Variants in STK36 observed in about 807,000 individuals in gnomAD.
STK36 encodes the protein serine/threonine kinase 36.
Under a neutral mutation model 142.2 loss-of-function variants are expected in STK36, and 116 were observed. That is an observed-to-expected ratio of 0.82 (90% CI 0.70 to 0.95). The LOEUF (loss-of-function observed/expected upper bound fraction) is 0.95, where lower values mean the gene tolerates loss of function less well. Among genes scored for constraint, STK36 ranks in the 40% least tolerant of loss-of-function variants. The pLI, the probability that STK36 is intolerant of heterozygous loss-of-function variation, is 0.00. For synonymous variants in STK36, 619 were observed against 641.7 expected, an observed-to-expected ratio of 0.96 and a Z score of 0.53; for missense variants, 1,422 against 1,617.2, an observed-to-expected ratio of 0.88 and a Z score of 2.07.
At position 218,673,017 on chromosome 2, in the gene STK36, G is replaced by A. The variant is rs2106340632; in HGVS notation, c.84+104G>A. ...TATTTATACCAGTTTGTATTCCTAA[G>A]GTACTGACTCCCTCATACTTCTTAT... On this transcript the variant is annotated intron_variant, in intron 2 of 26. Coordinates refer to ENST00000295709, the MANE Select transcript of STK36 (RefSeq NM_015690.5). 3 of 1,036,108 alleles carry A rather than the reference G, an allele frequency of 2.9e-6. No individual in the cohort carries two copies. In the East Asian group the frequency reaches 7.3e-5, roughly 25 times the overall value. 64.2% of individuals were successfully genotyped at this position (1,036,108 alleles called of 1,614,324 possible).
At chr2:218,697,365 G>A (rs1345216333) in intron 23 of STK36, 98 bp from the exon 24 acceptor site, 1 of 1,537,050 alleles carries the variant, frequency 6.5e-7, no homozygotes, top group Non-Finnish European at 8.8e-7. Context: ...CTAAGATGGG[G>A]AAGGGACTGA....
At chr2:218,700,404 T>G (rs1941400094) in intron 26 of STK36, among the ~76,000 whole-genome samples, 1 of 151,724 alleles carries the variant, frequency 6.6e-6, no homozygotes. Flanking sequence ...ATTTATTTAT[T>G]TACTTATTTA....
At position 218,701,997 on chromosome 2, in the gene STK36, CCAT is replaced by C; in HGVS notation, c.3937_3939del (p.His1313del). 1 of 1,613,930 alleles carries C rather than the reference CCAT, an allele frequency of 6.2e-7. No homozygotes were observed. On this transcript the variant is annotated inframe_deletion, in exon 27 of 27. Coordinates refer to ENST00000295709, the MANE Select transcript of STK36 (RefSeq NM_015690.5). ...AACTCATTCACCTCCTGAGGCCAGC[CCAT>C]AGCATGTGATTCCAGATTCCTGCGG...
At chr2:218,680,384 A>G (rs982534840) in intron 9 of STK36, among the ~76,000 whole-genome samples, 1 of 152,258 alleles carries the variant, frequency 6.6e-6, no homozygotes, top group African/African-American at 2.4e-5. Context: ...ACTGCAAAGT[A>G]GAATAAGCTC....
At chr2:218,692,071 G>A (rs954280472) in intron 14 of STK36, 72 bp from the exon 15 acceptor site, 1 of 1,543,582 alleles carries the variant, frequency 6.5e-7, no homozygotes, top group African/African-American at 1.4e-5. Flanking sequence ...AGATCCTCAG[G>A]GTTTTCTTGT....
intron 10 of STK36, among the ~76,000 whole-genome samples, chr2:218,682,229 TA>T (rs1310315016): frequency 6.6e-6 from 1 of 152,174 alleles, no homozygotes; most frequent in African/African-American, 2.4e-5. Context: ...ACCCAGCCTA[TA>T]ACAACACTTT....
intron 6 of STK36, among the ~76,000 whole-genome samples, chr2:218,677,992 C>T (rs1257825191): frequency 5.3e-5 from 8 of 152,172 alleles, no homozygotes; most frequent in East Asian, 1.9e-4. Flanking sequence ...GGGGTTTCAC[C>T]GTGTTAGCCA....
rs1370314111 is a variant in STK36, at chr2:218,676,272, C to T, written c.678C>T (p.Cys226=). ...GCTGGCCCTCAACCATCAGTCCCTGCTTTAAGGTAATGAATATTGAAAGGG... is the reference window on the plus strand; with the variant it reads ...GCTGGCCCTCAACCATCAGTCCCTGTTTTAAGGTAATGAATATTGAAAGGG... ...PVRWPSTISP[C]FKNFLQGLLT... Residue 226 remains cysteine, a synonymous_variant, in exon 6 of 27, where the codon TGC becomes TGT. Transcript: ENST00000295709. 1 of 1,614,108 alleles carries T rather than the reference C, an allele frequency of 6.2e-7. No homozygotes were observed. Among genetic ancestry groups the T allele is most frequent in the Middle Eastern group, 1.6e-4 (1 of 6,062 alleles).
chr2:218,692,565 CTT>C lies in STK36; in HGVS notation c.1916-16_1916-15del. 2 of 1,604,672 alleles carry C rather than the reference CTT, an allele frequency of 1.2e-6. No individual in the cohort carries two copies. The highest frequency in any genetic ancestry group is 1.3e-5 in the African/African-American group (1 of 74,938). On this transcript the variant is annotated splice_polypyrimidine_tract_variant and intron_variant, in intron 15 of 26. Transcript: ENST00000295709. ...AGAGCCTCAGGCCTTTGGAGTTACTCTTTGCTTTTCTCCACAGGAGCCCCGCA... is the reference window on the plus strand; with the variant it reads ...AGAGCCTCAGGCCTTTGGAGTTACTCTGCTTTTCTCCACAGGAGCCCCGCA...
At position 218,694,673 on chromosome 2, in the gene STK36, T is replaced by A. The variant is rs1338385869; in HGVS notation, c.2511+38T>A. ...AGGGAGGGCACAGACATGTTTTCTCTGAGTCAGACACTAGGACTGCATTCA... is the reference window on the plus strand; with the variant it reads ...AGGGAGGGCACAGACATGTTTTCTCAGAGTCAGACACTAGGACTGCATTCA... On this transcript the variant is annotated intron_variant, in intron 21 of 26. Transcript: ENST00000295709. This position sits in a 1 kb window ranked among gnomAD's most constrained non-coding sequence, Gnocchi z 4.4. 1.3e-6 allele frequency: 2 copies of A among 1,558,236 alleles called. No individual in the cohort carries two copies. The highest frequency in any genetic ancestry group is 1.8e-6 in the Non-Finnish European group (2 of 1,129,518).
chr2:218,689,185 A>G (rs1164138772), intron 12 of STK36, among the ~76,000 whole-genome samples: 1 of 152,188 alleles, frequency 6.6e-6, no homozygotes, highest in Non-Finnish European at 1.5e-5. Flanking sequence ...GCCACAGGGA[A>G]ATATGGGCCT....
At chr2:218,692,104 C>A (rs761667707) in intron 14 of STK36, 39 bp from the exon 15 acceptor site, 1 of 1,594,990 alleles carries the variant, frequency 6.3e-7, no homozygotes, top group Admixed American at 1.7e-5. Context: ...GCCCAGTCTT[C>A]TGATGCCCTG....
chr2:218,691,860 C>G (rs1012863141), intron 14 of STK36, among the ~76,000 whole-genome samples: 6 of 152,094 alleles, frequency 3.9e-5, no homozygotes, highest in African/African-American at 1.4e-4. Context: ...TGCACCTGAC[C>G]CCTAGGAATT....
In STK36 at chr2:218,693,250, A is replaced by G; in HGVS notation, c.2054A>G (p.His685Arg). 1 of 1,614,180 alleles carries G rather than the reference A, an allele frequency of 6.2e-7. No individual in the cohort carries two copies. Among genetic ancestry groups the G allele is most frequent in the Non-Finnish European group, 8.5e-7 (1 of 1,180,032 alleles). Residue 685 changes from histidine (H) to arginine (R), a missense_variant, in exon 17 of 27, where the codon CAT becomes CGT. Physicochemically the swap from His to Arg is conservative, Grantham distance 29. Around this residue, in one of 2 missense-constraint regions of STK36, gnomAD observed 962 missense variants for 1,167.5 expected, o/e 0.82. Transcript: ENST00000295709. ...GGTATGTCTCTATAGGTCTGTTGGC[A>G]TTTGGCAAATCAGCTAACTGAAGAC... The part of the protein sequence containing the change: ...CWDAKEQVCW[H>R]LANQLTEDSS...
At chr2:218,685,878 C>T (rs1352259284) in intron 11 of STK36, among the ~76,000 whole-genome samples, 1 of 151,988 alleles carries the variant, frequency 6.6e-6, no homozygotes, top group Non-Finnish European at 1.5e-5. Flanking sequence ...AATTTAAAAA[C>T]TGTTAACCAT....
rs2106367411 is a variant in STK36, at chr2:218,698,850, G to A, written c.3306G>A (p.Glu1102=). The A allele has an allele frequency of 6.2e-7, 1 of 1,614,218 alleles. No individual in the cohort carries two copies. The highest frequency in any genetic ancestry group is 8.5e-7 in the Non-Finnish European group (1 of 1,180,040). The change falls in exon 26 of 27, where the codon GAG becomes GAA. Residue 1102 remains glutamate (E), a synonymous_variant. Transcript: ENST00000295709. ...CCAGCCACTTGTCCTTTATCCAAGA[G>A]CTTCTGGCTGGCTCTGATGAATCCT... ...LSPSHLSFIQ[E]LLAGSDESYR... is the part of the protein sequence containing the mutation.
At chr2:218,693,154 TG>T in intron 16 of STK36, 85 bp from the exon 17 acceptor site, 2 of 1,138,604 alleles carry the variant, frequency 1.8e-6, no homozygotes, top group Middle Eastern at 4.0e-4. Flanking sequence ...AGGAAGAGAC[TG>T]AGAGTCCTGA....
At position 218,697,971 on chromosome 2, in the gene STK36, G is replaced by A; in HGVS notation, c.3027G>A (p.Arg1009=). Residue 1009 remains arginine, a synonymous_variant, in exon 25 of 27, where the codon AGG becomes AGA. Transcript: ENST00000295709. ...TTATAGGTGTCTTGGCCGACCTCAG[G>A]GACTCAGAAGTTGCAGCCCATCTGC... ...DLLIGVLADL[R]DSEVAAHLLQ... is the part of the protein sequence containing the mutation. 6.2e-7 allele frequency: 1 copy of A among 1,614,150 alleles called. No individual in the cohort carries two copies. Among genetic ancestry groups the A allele is most frequent in the Non-Finnish European group, 8.5e-7 (1 of 1,180,030 alleles).
rs1236115834 is a variant in STK36, at chr2:218,673,942, C to G, written c.289C>G (p.Leu97Val). 1 of 1,613,908 alleles carries G rather than the reference C, an allele frequency of 6.2e-7. No homozygotes were observed. The highest frequency in any genetic ancestry group is 1.3e-5 in the African/African-American group (1 of 74,936). Reference protein sequence around the residue: ...LFQILEDDGKLPEDQVQAIAA... With the variant: ...LFQILEDDGKVPEDQVQAIAA... ...TCAGATCCTAGAAGATGACGGAAAA[C>G]TTCCTGAAGACCAGGTATGCTTTCT... The change falls in exon 4 of 27, where the codon CTT (leucine) becomes GTT (valine). Residue 97 changes from leucine (L) to valine (V), a missense_variant. Leu to Val is a conservative substitution (Grantham distance 32, BLOSUM62 1). This residue lies in a region of STK36 where 460 missense variants were observed against 449.6 expected (regional missense o/e 1.02). Coordinates refer to ENST00000295709, the MANE Select transcript of STK36 (RefSeq NM_015690.5).
Sources: gnomAD v4.1 joint callset for allele counts (sites outside exome capture counted in the v4.1 genomes callset) on GRCh38, gnomAD v4.1.1 for gene constraint, gnomAD v4.1.1 regional missense constraint, Gnocchi (gnomAD v3.1) non-coding constraint, MANE v1.5 for transcripts, NCBI Gene and HGNC (gene_info 2026-07-23, HGNC 2026-07-21) for gene names.